The following MAF variants were observed in gnomAD, a reference collection of about 807,000 sequenced individuals.
The protein encoded by MAF is MAF bZIP transcription factor, also known as transcription factor Maf.
MAF carries 10 observed loss-of-function variants against 22.0 expected under a neutral mutation model. The observed-to-expected ratio is 0.45, with a 90% confidence interval of 0.28 to 0.77. The LOEUF is 0.77. Among genes scored for constraint, MAF ranks in the 30% least tolerant of loss-of-function variants. The probability of loss-of-function intolerance (pLI) is 0.12; values close to 1 mark genes in which losing one functional copy is unlikely to be tolerated. For missense variants in MAF, 544 were observed against 548.4 expected, an observed-to-expected ratio of 0.99 and a Z score of 0.08; for synonymous variants, 337 against 255.8, an observed-to-expected ratio of 1.32 and a Z score of -3.03.
At chr16:79,224,525 G>T in the MAF span, among the ~76,000 whole-genome samples, 1 of 152,048 alleles carries the variant, frequency 6.6e-6, no homozygotes, top group Admixed American at 6.5e-5. Context: ...TCAGACAAGA[G>T]AAAGAAATAA....
the MAF span, among the ~76,000 whole-genome samples, chr16:79,463,308 A>T: frequency 6.6e-6 from 1 of 152,326 alleles, no homozygotes; most frequent in African/African-American, 2.4e-5. Context: ...GTTTTAAGTC[A>T]CATAATGACA....
the MAF span, among the ~76,000 whole-genome samples, chr16:79,320,276 G>A: frequency 6.6e-6 from 1 of 152,158 alleles, no homozygotes; most frequent in Admixed American, 6.5e-5. Context: ...AGATTATAGG[G>A]GAATAAGAAT....
the MAF span, among the ~76,000 whole-genome samples, chr16:79,558,858 G>A: frequency 2.0e-5 from 3 of 152,180 alleles, no homozygotes; most frequent in African/African-American, 7.2e-5. Context: ...TTCTTTGGAA[G>A]GTATTTGACT....
the MAF span, among the ~76,000 whole-genome samples, chr16:79,489,847 A>G: frequency 6.6e-6 from 1 of 152,134 alleles, no homozygotes; most frequent in Admixed American, 6.5e-5. Flanking sequence ...TAGCTTTTCT[A>G]ACGGTGACTC....
At chr16:79,358,069 C>A in the MAF span, among the ~76,000 whole-genome samples, 1 of 152,366 alleles carries the variant, frequency 6.6e-6, no homozygotes, top group Non-Finnish European at 1.5e-5. Flanking sequence ...ATGGAAAGAA[C>A]TCAAAGCAGC....
intron 1 of MAF, chr16:79,595,629 A>G: frequency 9.5e-7 from 1 of 1,057,920 alleles, no homozygotes; most frequent in Non-Finnish European, 1.1e-6. Flanking sequence ...GGTAGTTTTG[A>G]GTCTTTCCAA....
At chr16:79,257,676 C>T in the MAF span, among the ~76,000 whole-genome samples, 1 of 152,138 alleles carries the variant, frequency 6.6e-6, no homozygotes, top group African/African-American at 2.4e-5. Context: ...ACATCTATGT[C>T]ATCCCATATT....
At chr16:79,455,508 G>C in the MAF span, among the ~76,000 whole-genome samples, 1 of 152,110 alleles carries the variant, frequency 6.6e-6, no homozygotes, top group African/African-American at 2.4e-5. Context: ...GCAAGGATGA[G>C]ACACCTTCAA....
the MAF span, chr16:79,202,658 A>AGAG: frequency 6.6e-6 from 1 of 152,210 alleles, no homozygotes; most frequent in Non-Finnish European, 1.5e-5. Context: ...TCAGCTTTAA[A>AGAG]GAGTTTGAGA....
chr16:79,321,863 G>GT, the MAF span, among the ~76,000 whole-genome samples: 1 of 151,906 alleles, frequency 6.6e-6, no homozygotes, highest in East Asian at 1.9e-4. Context: ...CTGACAGGGT[G>GT]TATGTGCTTT....
At chr16:79,258,798 A>G in the MAF span, among the ~76,000 whole-genome samples, 1 of 152,148 alleles carries the variant, frequency 6.6e-6, no homozygotes, top group Non-Finnish European at 1.5e-5. Flanking sequence ...GTATAGTGCT[A>G]GTGAAGCCCC....
the MAF span, among the ~76,000 whole-genome samples, chr16:79,235,083 A>G: frequency 6.6e-6 from 1 of 152,202 alleles, no homozygotes; most frequent in South Asian, 2.1e-4. Context: ...CAAAAGCAAT[A>G]AAGACAATGA....
the MAF span, among the ~76,000 whole-genome samples, chr16:79,341,555 G>A: frequency 6.6e-6 from 1 of 152,290 alleles, no homozygotes; most frequent in East Asian, 1.9e-4. Context: ...TAGAAATCAG[G>A]GTTCTTCCCC....
the MAF span, among the ~76,000 whole-genome samples, chr16:79,258,840 G>T: frequency 6.6e-6 from 1 of 152,106 alleles, no homozygotes; most frequent in Admixed American, 6.5e-5. Context: ...CTGCACTTCT[G>T]GTTCTCATCC....
At chr16:79,252,230 C>A in the MAF span, among the ~76,000 whole-genome samples, 1 of 151,874 alleles carries the variant, frequency 6.6e-6, no homozygotes, top group Non-Finnish European at 1.5e-5. Context: ...CCTCCCAACA[C>A]GAAAGCAGCC....
At chr16:79,414,627 C>T in the MAF span, among the ~76,000 whole-genome samples, 7 of 152,192 alleles carry the variant, frequency 4.6e-5, no homozygotes, top group African/African-American at 9.6e-5. Context: ...TAAACAGACA[C>T]GGACTAGTGC....
chr16:79,499,824 A>G, the MAF span, among the ~76,000 whole-genome samples: 5,795 of 152,274 alleles, frequency 0.038, 357 homozygotes, highest in African/African-American at 0.13. Flanking sequence ...TTCCCCAAAA[A>G]CATATGTCCA....
chr16:79,467,371 G>T, the MAF span, among the ~76,000 whole-genome samples: 4 of 152,188 alleles, frequency 2.6e-5, no homozygotes, highest in African/African-American at 7.2e-5. Context: ...CAGCTGCTTT[G>T]CTCTCCAATG....
chr16:79,400,788 C>G, the MAF span, among the ~76,000 whole-genome samples: 2 of 152,264 alleles, frequency 1.3e-5, no homozygotes, highest in Admixed American at 1.3e-4. Context: ...CCTTGGCCAT[C>G]ATGTTTGTGA....
Sources: gnomAD v4.1 joint callset for allele counts (sites outside exome capture counted in the v4.1 genomes callset) on GRCh38, gnomAD v4.1.1 for gene constraint, MANE v1.5 for transcripts, NCBI Gene and HGNC (gene_info 2026-07-23, HGNC 2026-07-21) for gene names.